SPATA7: variants seen among roughly 807,000 people sequenced by gnomAD.
The protein encoded by SPATA7 is spermatogenesis-associated protein 7.
Under a neutral mutation model 51.8 loss-of-function variants are expected in SPATA7, and 43 were observed. The observed-to-expected ratio is 0.83, with a 90% CI of 0.65 to 1.07. The LOEUF is 1.07. Among genes scored for constraint, SPATA7 ranks in the 50% least tolerant of loss-of-function variants. The pLI, the probability that SPATA7 is intolerant of heterozygous loss-of-function variation, is 0.00. For missense variants in SPATA7, 683 were observed against 701.3 expected (o/e 0.97, Z 0.30); for synonymous variants, 230 against 252.8 (o/e 0.91, Z 0.86).
intron 3 of SPATA7, among the ~76,000 whole-genome samples, chr14:88,452,452 A>T (rs541736415): frequency 2.6e-5 from 4 of 152,318 alleles, no homozygotes; most frequent in African/African-American, 9.6e-5. Flanking sequence ...GTGGTATTAT[A>T]GGGAAAATCA....
At chr14:88,415,916 C>T (rs956240325) in intron 4 of SPATA7, 1 of 152,208 alleles carries the variant, frequency 6.6e-6, no homozygotes, top group African/African-American at 2.4e-5. Context: ...CTTAGCGCCA[C>T]CCCCTTGATG....
intron 5 of SPATA7, among the ~76,000 whole-genome samples, chr14:88,424,487 A>G (rs1262394709): frequency 6.6e-6 from 1 of 151,686 alleles, no homozygotes; most frequent in Non-Finnish European, 1.5e-5. Flanking sequence ...TGTTTATTAA[A>G]TAACCATTAC....
chr14:88,428,442 A>G (rs2076854710), intron 7 of SPATA7: 1 of 152,124 alleles, frequency 6.6e-6, no homozygotes, highest in Non-Finnish European at 1.5e-5. Context: ...CATCTCAGCT[A>G]TTAATCGCTG....
chr14:88,411,733 C>T (rs910642768), intron 4 of SPATA7, among the ~76,000 whole-genome samples: 2 of 152,098 alleles, frequency 1.3e-5, no homozygotes, highest in African/African-American at 4.8e-5. Flanking sequence ...ATATGTACCA[C>T]ATTTTCTTTA....
chr14:88,406,572 T>A (rs900218964), intron 4 of SPATA7: 1 of 152,150 alleles, frequency 6.6e-6, no homozygotes, highest in Non-Finnish European at 1.5e-5. Flanking sequence ...TACAGTTTCT[T>A]TAGAGAAGAA....
At chr14:88,418,535 T>C (rs530532355) in intron 5 of SPATA7, among the ~76,000 whole-genome samples, 2 of 152,330 alleles carry the variant, frequency 1.3e-5, no homozygotes, top group East Asian at 3.9e-4. Context: ...CATGCAGTAG[T>C]GTGATCTCGG....
intron 2 of SPATA7, 74 bp from the exon 3 acceptor site, chr14:88,393,315 TTAAA>T (rs1415602733): frequency 2.1e-6 from 2 of 970,104 alleles, no homozygotes; most frequent in Admixed American, 2.2e-5. Flanking sequence ...TAAGAATGAG[TTAAA>T]TAATCAGTGC....
chr14:88,432,794 C>G, intron 9 of SPATA7: 1 of 200,342 alleles, frequency 5.0e-6, no homozygotes, highest in Non-Finnish European at 1.0e-5. Context: ...TTAAAACATT[C>G]CTCGGGAGTG....
At chr14:88,388,844 T>A (rs1259100284) in intron 1 of SPATA7, among the ~76,000 whole-genome samples, 2 of 152,188 alleles carry the variant, frequency 1.3e-5, no homozygotes, top group African/African-American at 2.4e-5. Flanking sequence ...TCCCAAAGAC[T>A]GGGGTTCAGA....
At chr14:88,455,781 G>C (rs1475315043), downstream of SPATA7, among the ~76,000 whole-genome samples, 1 of 151,872 alleles carries the variant, frequency 6.6e-6, no homozygotes, top group Non-Finnish European at 1.5e-5. Flanking sequence ...CAATGTGCAG[G>C]TTTGTTACAT....
intron 2 of SPATA7, among the ~76,000 whole-genome samples, chr14:88,392,082 C>T (rs1253158638): frequency 6.6e-6 from 1 of 152,084 alleles, no homozygotes; most frequent in Non-Finnish European, 1.5e-5. Context: ...ATCTCATTTT[C>T]AGTTGCCTCA....
intron 4 of SPATA7, among the ~76,000 whole-genome samples, chr14:88,407,927 G>A (rs1308691473): frequency 6.6e-6 from 1 of 152,052 alleles, no homozygotes; most frequent in Admixed American, 6.6e-5. Flanking sequence ...TAGATGTGTG[G>A]CGTTACTTCT....
chr14:88,429,605 G>T, intron 8 of SPATA7, 142 bp downstream of exon 8: 1 of 490,844 alleles, frequency 2.0e-6, no homozygotes, highest in Non-Finnish European at 3.6e-6. Context: ...AACAGTTTTA[G>T]TTTTACCAAG....
At position 88,469,184 on chromosome 14, in the gene SPATA7, G is replaced by A. The variant is rs2140077843; in HGVS notation, c.255-663G>A. ...TGATTAAGAGGACTGCAGATAAAGA[G>A]CACTGGGTGCCAGTGAACCAAACCC... On this transcript the variant is annotated intron_variant, in intron 4 of 4. Coordinates refer to the SPATA7 transcript ENST00000556406. The surrounding 1 kb of genome is among the most constrained non-coding windows in gnomAD (Gnocchi z 4.3). 7 of 1,272,352 alleles carry A rather than the reference G, an allele frequency of 5.5e-6. No individual in the cohort carries two copies. Among genetic ancestry groups the A allele is most frequent in the East Asian group, 2.5e-5 (1 of 39,762 alleles). 78.8% of individuals were successfully genotyped at this position (1,272,352 alleles called of 1,614,324 possible).
At chr14:88,421,905 G>A (rs1021188840) in intron 5 of SPATA7, among the ~76,000 whole-genome samples, 3 of 149,856 alleles carry the variant, frequency 2.0e-5, no homozygotes, top group Non-Finnish European at 4.4e-5. Context: ...CCAAGATTGT[G>A]CCACTGCACT....
intron 4 of SPATA7, among the ~76,000 whole-genome samples, chr14:88,460,597 G>A (rs2140060943): frequency 6.6e-6 from 1 of 152,228 alleles, no homozygotes; most frequent in African/African-American, 2.4e-5. Flanking sequence ...GTTTATTCTA[G>A]TTCGCCATTC....
chr14:88,393,333 G>C, intron 2 of SPATA7, 60 bp from the exon 3 acceptor site: 1 of 1,162,520 alleles, frequency 8.6e-7, no homozygotes, highest in Non-Finnish European at 1.2e-6. Flanking sequence ...TCAGTGCCTT[G>C]TTTATCTCAT....
chr14:88,394,936 A>G (rs1031786429), intron 3 of SPATA7, among the ~76,000 whole-genome samples: 18 of 152,092 alleles, frequency 1.2e-4, no homozygotes, highest in Admixed American at 1.2e-3. Flanking sequence ...GACTGTTCAA[A>G]TCTTTTACCC....
chr14:88,396,259 A>C, intron 4 of SPATA7, 56 bp downstream of exon 4: 1 of 1,257,926 alleles, frequency 7.9e-7, no homozygotes. Context: ...GTAAATATAC[A>C]TAACATAAAA....
Sources: gnomAD v4.1 joint callset for allele counts (sites outside exome capture counted in the v4.1 genomes callset) on GRCh38, gnomAD v4.1.1 for gene constraint, Gnocchi (gnomAD v3.1) non-coding constraint, MANE v1.5 for transcripts, NCBI Gene and HGNC (gene_info 2026-07-23, HGNC 2026-07-21) for gene names.